The following PTCD2 variants were observed in gnomAD, a reference collection of about 807,000 sequenced individuals.
The protein encoded by PTCD2 is pentatricopeptide repeat domain 2, also known as pentatricopeptide repeat-containing protein 2, mitochondrial.
A neutral mutation model predicts 42.6 loss-of-function variants in PTCD2; 31 were observed. The observed-to-expected ratio is 0.73, with a 90% CI of 0.55 to 0.98. The LOEUF (loss-of-function observed/expected upper bound fraction) is 0.98, where lower values mean the gene tolerates loss of function less well. Ranked by LOEUF, PTCD2 falls within the 50% of genes least tolerant of loss-of-function variation. The pLI, the probability that PTCD2 is intolerant of heterozygous loss-of-function variation, is 0.00. For synonymous variants in PTCD2, 183 were observed against 170.9 expected, an observed-to-expected ratio of 1.07 and a Z score of -0.55; for missense variants, 476 against 454.8, an observed-to-expected ratio of 1.05 and a Z score of -0.42.
Position 72,352,735 on chromosome 5 carries a change from A to G in PTCD2, c.923A>G (p.His308Arg), listed in dbSNP as rs769999955. The G allele has an allele frequency of 6.3e-7, 1 of 1,584,378 alleles. No homozygotes were observed. The highest frequency in any genetic ancestry group is 8.7e-7 in the Non-Finnish European group (1 of 1,153,228). ...EGNLSKFVKR[H>R]VFSEEVLAKV... ...AATTTATCAAAATTTGTGAAAAGAC[A>G]TGTGTTCTCGGAGGAAGTGGTGAGT... Residue 308 changes from histidine to arginine, a missense_variant, in exon 9 of 10, where the codon CAT becomes CGT. By Grantham distance (29) the His-to-Arg change is conservative. Transcript: ENST00000380639.
chr5:72,334,205 TACAG>T (rs1432581939), intron 4 of PTCD2, among the ~76,000 whole-genome samples: 6 of 152,284 alleles, frequency 3.9e-5, no homozygotes, highest in Non-Finnish European at 8.8e-5. Flanking sequence ...AATAAATACA[TACAG>T]ACAAGTTGGA....
intron 3 of PTCD2, among the ~76,000 whole-genome samples, chr5:72,327,679 G>T (rs71614470): frequency 0.085 from 12,844 of 151,932 alleles, 727 homozygotes; most frequent in East Asian, 0.14. Context: ...TGCCATATTG[G>T]CCAGGCTGGT....
intron 9 of PTCD2, among the ~76,000 whole-genome samples, chr5:72,357,235 T>A (rs999136047): frequency 2.0e-5 from 3 of 152,144 alleles, no homozygotes; most frequent in African/African-American, 7.2e-5. Flanking sequence ...CCCTGTCTTC[T>A]CTATCAGGAA....
chr5:72,320,480 G>C lies in PTCD2; in HGVS notation c.98G>C (p.Gly33Ala), dbSNP rs1561371142. The change falls in exon 1 of 10, where the codon GGC (glycine) becomes GCC (alanine). Residue 33 changes from glycine (G) to alanine (A), a missense_variant. Gly to Ala is a moderately conservative substitution (Grantham distance 60). Transcript: ENST00000380639. ...GTGTATCCTGGGGTGGGAGGCTCCG[G>C]CTCTGTCAGCTGCCGCTGCCCTCTC... is the stretch of plus-strand genomic sequence containing the variant. The part of the protein sequence containing the change: ...ILVYPGVGGS[G>A]SVSCRCPLGA... The C allele has an allele frequency of 1.2e-6, 2 of 1,614,068 alleles. No homozygotes were observed. Among genetic ancestry groups the C allele is most frequent in the Non-Finnish European group, 8.5e-7 (1 of 1,180,024 alleles).
chr5:72,321,561 TG>T (rs1750848431), intron 1 of PTCD2, among the ~76,000 whole-genome samples: 1 of 152,248 alleles, frequency 6.6e-6, no homozygotes, highest in African/African-American at 2.4e-5. Context: ...CGGCCACGCT[TG>T]GTCCGTTTTA....
intron 4 of PTCD2, among the ~76,000 whole-genome samples, chr5:72,331,923 C>T (rs1751460428): frequency 6.6e-6 from 1 of 152,100 alleles, no homozygotes; most frequent in South Asian, 2.1e-4. Flanking sequence ...TTATTTGTTT[C>T]TCACAATAGC....
chr5:72,352,313 A>G (rs1752662515), intron 8 of PTCD2, among the ~76,000 whole-genome samples: 3 of 152,040 alleles, frequency 2.0e-5, no homozygotes, highest in Non-Finnish European at 4.4e-5. Flanking sequence ...ACTCTCGGCT[A>G]ATTTTTGTAT....
intron 8 of PTCD2, among the ~76,000 whole-genome samples, chr5:72,348,563 T>C (rs1186327703): frequency 2.6e-5 from 4 of 152,194 alleles, no homozygotes; most frequent in African/African-American, 9.7e-5. Context: ...TCAAAACACA[T>C]GTATGTTGAC....
rs371325207 is a variant in PTCD2 at position 72,364,324 on chromosome 5, T to C, written c.*5897T>C. 12 of 152,330 alleles carry C rather than the reference T, an allele frequency of 7.9e-5. No homozygotes were observed. The South Asian group carries it at 2.1e-3, about 26-fold the overall frequency. 9.4% of individuals were successfully genotyped at this position (152,330 alleles called of 1,614,324 possible). A position where few individuals can be genotyped will look rare whatever the true frequency, so the allele number is the denominator to read the frequency against. On this transcript the variant is annotated 3_prime_UTR_variant, in exon 10 of 10. Coordinates refer to ENST00000380639, the MANE Select transcript of PTCD2 (RefSeq NM_024754.5). ...AAAGATAACTGGGCAAATGACCACA[T>C]GATTGCAGTTGGGATAAGTGCTAAG...
chr5:72,344,207 A>G (rs1193338739), intron 8 of PTCD2, among the ~76,000 whole-genome samples: 1 of 152,154 alleles, frequency 6.6e-6, no homozygotes. Context: ...TTGGTGGAGC[A>G]TCTATTTAAA....
intron 5 of PTCD2, chr5:72,335,520 G>A: frequency 2.9e-6 from 1 of 349,560 alleles, no homozygotes; most frequent in Non-Finnish European, 5.1e-6. Flanking sequence ...GAGACCTTAG[G>A]AAGTTTGAAA....
chr5:72,364,165 T>C lies in PTCD2; in HGVS notation c.*5738T>C, dbSNP rs1422965709. 1 of 152,286 alleles carries C rather than the reference T, an allele frequency of 6.6e-6. No individual in the cohort carries two copies. Among genetic ancestry groups the C allele is most frequent in the Non-Finnish European group, 1.5e-5 (1 of 68,050 alleles). The allele number at this position is 152,286 out of a possible 1,614,324, so 9.4% of individuals were successfully genotyped here. A position where few individuals can be genotyped will look rare whatever the true frequency, so the allele number is the denominator to read the frequency against. ...ATGGCATTAGCTCAAAAAAGTGTTC[T>C]CAAAAATTAATGGAAATTGGTGTAT... On this transcript the variant is annotated 3_prime_UTR_variant, in exon 10 of 10. Coordinates refer to ENST00000380639, the MANE Select transcript of PTCD2 (RefSeq NM_024754.5).
At chr5:72,348,518 A>G (rs1270747336) in intron 8 of PTCD2, among the ~76,000 whole-genome samples, 1 of 152,208 alleles carries the variant, frequency 6.6e-6, no homozygotes, top group Non-Finnish European at 1.5e-5. Context: ...CCCAGCTAAT[A>G]CGTGATACAT....
intron 3 of PTCD2, among the ~76,000 whole-genome samples, chr5:72,327,493 A>G (rs1265530646): frequency 7.8e-6 from 1 of 128,994 alleles, no homozygotes; most frequent in African/African-American, 3.2e-5. Flanking sequence ...TTTTTTTGAG[A>G]TGAAGTCTTG....
intron 8 of PTCD2, among the ~76,000 whole-genome samples, chr5:72,350,383 A>G (rs893526880): frequency 2.6e-5 from 4 of 152,196 alleles, no homozygotes; most frequent in African/African-American, 7.2e-5. Context: ...GAAAAGCTCT[A>G]TGTGCCTCTT....
At chr5:72,349,646 T>TC (rs1373666525) in intron 8 of PTCD2, among the ~76,000 whole-genome samples, 1 of 152,198 alleles carries the variant, frequency 6.6e-6, no homozygotes, top group Non-Finnish European at 1.5e-5. Flanking sequence ...AAGCATGTGT[T>TC]CTTTAAATAG....
intron 2 of PTCD2, among the ~76,000 whole-genome samples, chr5:72,323,343 A>G (rs537321498): frequency 6.6e-6 from 1 of 152,290 alleles, no homozygotes; most frequent in East Asian, 1.9e-4. Context: ...AAAGCTACAA[A>G]CAAGAACACC....
At chr5:72,323,838 A>G (rs2112119874) in intron 2 of PTCD2, among the ~76,000 whole-genome samples, 1 of 151,900 alleles carries the variant, frequency 6.6e-6, no homozygotes, top group East Asian at 1.9e-4. Context: ...TTTTGTAGAG[A>G]TGGTCTCACT....
intron 2 of PTCD2, among the ~76,000 whole-genome samples, chr5:72,326,252 C>T (rs187585391): frequency 2.6e-5 from 4 of 152,306 alleles, no homozygotes; most frequent in Admixed American, 6.5e-5. Context: ...TCATGAGTCA[C>T]CTAGAGATTC....
Sources: gnomAD v4.1 joint callset for allele counts (sites outside exome capture counted in the v4.1 genomes callset) on GRCh38, gnomAD v4.1.1 for gene constraint, MANE v1.5 for transcripts, NCBI Gene and HGNC (gene_info 2026-07-23, HGNC 2026-07-21) for gene names.